The following H2AZ2 variants were observed in gnomAD, a reference collection of about 807,000 sequenced individuals.
H2AZ2 encodes the protein H2A.Z variant histone 2, also known as histone H2A.V.
H2AZ2 carries 5 observed loss-of-function variants against 15.5 expected under a neutral mutation model. The observed-to-expected ratio is 0.32, with a 90% confidence interval of 0.17 to 0.68. The LOEUF is 0.68. Among genes scored for constraint, H2AZ2 ranks in the 30% least tolerant of loss-of-function variants. H2AZ2 has a pLI of 0.72. For missense variants in H2AZ2, 42 were observed against 162.5 expected (o/e 0.26, Z 4.03); for synonymous variants, 44 against 57.4 (o/e 0.77, Z 1.05).
At chr7:44,835,884 A>G (rs1338577666) in intron 3 of H2AZ2, among the ~76,000 whole-genome samples, 1 of 151,996 alleles carries the variant, frequency 6.6e-6, no homozygotes, top group Non-Finnish European at 1.5e-5. Flanking sequence ...CCACTTCTAT[A>G]TAGAAATAAA....
At chr7:44,828,990 T>C (rs529461368), downstream of H2AZ2, 1 of 152,244 alleles carries the variant, frequency 6.6e-6, no homozygotes, top group Non-Finnish European at 1.5e-5. Context: ...TTCATGTAAT[T>C]ACACTGGGTT....
Position 44,833,266 on chromosome 7 carries a change from C to T in H2AZ2, c.*1235G>A, listed in dbSNP as rs1793035214. On this transcript the variant is annotated 3_prime_UTR_variant, in exon 5 of 5. Transcript: ENST00000308153. ...TTGTTTGTTTTGAGAGGGAGTCTTGCTCAGTCGCCAAGCTGGAGTGCAGTG... is the reference window on the plus strand; with the variant it reads ...TTGTTTGTTTTGAGAGGGAGTCTTGTTCAGTCGCCAAGCTGGAGTGCAGTG... Among the ~76,000 whole-genome samples the T allele has an allele frequency of 2.0e-5, 3 of 152,028 alleles. 1 individual carries two copies. Among genetic ancestry groups the T allele is most frequent in the South Asian group, 4.2e-4 (2 of 4,800 alleles).
intron 3 of H2AZ2, among the ~76,000 whole-genome samples, chr7:44,837,556 A>G (rs985483075): frequency 1.3e-5 from 2 of 150,728 alleles, no homozygotes; most frequent in Non-Finnish European, 1.5e-5. Flanking sequence ...CAGTGGTGCA[A>G]TCATGGCTCA....
Position 44,832,167 on chromosome 7 carries a change from CCTGGATCTTGA to C in H2AZ2, c.*2323_*2333del, listed in dbSNP as rs1793010186. Among the ~76,000 whole-genome samples, 1 of 151,886 alleles carries C rather than the reference CCTGGATCTTGA, an allele frequency of 6.6e-6. No homozygotes were observed. The highest frequency in any genetic ancestry group is 2.1e-4 in the South Asian group (1 of 4,818). ...AACAAAATGCAAGATCTAGATCTTG[CCTGGATCTTGA>C]CTCGAATAAACCAACTGTTAAAAAA... On this transcript the variant is annotated 3_prime_UTR_variant, in exon 5 of 5. Transcript: ENST00000308153.
chr7:44,841,433 T>C (rs560270077), intron 2 of H2AZ2, among the ~76,000 whole-genome samples: 3 of 152,334 alleles, frequency 2.0e-5, no homozygotes, highest in African/African-American at 7.2e-5. Flanking sequence ...TATTATCTCA[T>C]TGTGGTTCTT....
intron 3 of H2AZ2, among the ~76,000 whole-genome samples, chr7:44,837,815 C>T (rs1221197439): frequency 9.5e-6 from 1 of 105,670 alleles, no homozygotes; most frequent in African/African-American, 3.5e-5. Context: ...CCAAAGTTCC[C>T]AAAGATTTAA....
chr7:44,840,854 T>C (rs1418538234), intron 3 of H2AZ2, 45 bp downstream of exon 3: 3 of 1,294,348 alleles, frequency 2.3e-6, no homozygotes, highest in East Asian at 4.7e-5. Flanking sequence ...CTGAGACTAG[T>C]GCACCTTCTG....
chr7:44,842,550 C>T (rs1793298875), intron 2 of H2AZ2, among the ~76,000 whole-genome samples: 1 of 152,140 alleles, frequency 6.6e-6, no homozygotes, highest in Admixed American at 6.6e-5. Flanking sequence ...ACTGCTTCAC[C>T]TATTTTCTGC....
chr7:44,846,255 T>C (rs892922475), intron 1 of H2AZ2, among the ~76,000 whole-genome samples: 23 of 152,210 alleles, frequency 1.5e-4, no homozygotes, highest in Admixed American at 9.8e-4. Context: ...TTAATACTTA[T>C]GTATTTTTAG....
chr7:44,842,956 TG>T (rs2117041580), intron 2 of H2AZ2, among the ~76,000 whole-genome samples: 1 of 151,678 alleles, frequency 6.6e-6, no homozygotes, highest in East Asian at 1.9e-4. Context: ...TTGGCCAACA[TG>T]GTGAAATCCC....
At chr7:44,842,188 C>T (rs1793290776) in intron 2 of H2AZ2, among the ~76,000 whole-genome samples, 1 of 152,176 alleles carries the variant, frequency 6.6e-6, no homozygotes, top group African/African-American at 2.4e-5. Context: ...AAAAACATTT[C>T]ATCTTAGACT....
chr7:44,830,855 CAAAA>C (rs768034578), downstream of H2AZ2, among the ~76,000 whole-genome samples: 1 of 152,062 alleles, frequency 6.6e-6, no homozygotes, highest in Non-Finnish European at 1.5e-5. Flanking sequence ...AACAAACAAA[CAAAA>C]AACACACACA....
rs1793325447 is a variant in H2AZ2, at chr7:44,843,411, A to G, written c.4-57T>C. 6 of 1,178,718 alleles carry G rather than the reference A, an allele frequency of 5.1e-6. No individual in the cohort carries two copies. In the South Asian group the frequency reaches 5.2e-5, roughly 10 times the overall value. 73.0% of individuals were successfully genotyped at this position (1,178,718 alleles called of 1,614,324 possible). On this transcript the variant is annotated intron_variant, in intron 1 of 4. Transcript: ENST00000308153. ...AAGAGTTGAAAATACTACTTCAAAAATATTCTGGAAACAGAATTTTTTCTA... is the reference window on the plus strand; with the variant it reads ...AAGAGTTGAAAATACTACTTCAAAAGTATTCTGGAAACAGAATTTTTTCTA...
chr7:44,830,127 CA>C (rs1262997081), downstream of H2AZ2: 1 of 1,613,494 alleles, frequency 6.2e-7, no homozygotes, highest in Non-Finnish European at 8.5e-7. Flanking sequence ...TCACCTAATA[CA>C]ATGGCATCTT....
chr7:44,843,417 T>C, intron 1 of H2AZ2, 63 bp from the exon 2 acceptor site: 1 of 1,136,026 alleles, frequency 8.8e-7, no homozygotes, highest in Non-Finnish European at 1.3e-6. Context: ...AAAAATATTC[T>C]GGAAACAGAA....
downstream of H2AZ2, among the ~76,000 whole-genome samples, chr7:44,830,643 C>G (rs1213997121): frequency 3.3e-5 from 5 of 152,200 alleles, no homozygotes; most frequent in African/African-American, 1.2e-4. Context: ...ATCTAAAATA[C>G]AGATCTGACA....
intron 3 of H2AZ2, 65 bp from the exon 4 acceptor site, chr7:44,835,723 A>G (rs1583712407): frequency 9.0e-6 from 13 of 1,446,432 alleles, no homozygotes; most frequent in Non-Finnish European, 1.2e-5. Flanking sequence ...AGGATCACTT[A>G]GCATTTGTAC....
chr7:44,842,790 C>T (rs1793304826), intron 2 of H2AZ2, among the ~76,000 whole-genome samples: 1 of 152,160 alleles, frequency 6.6e-6, no homozygotes, highest in Admixed American at 6.6e-5. Flanking sequence ...GGCTCAAACT[C>T]TCAATGGCTT....
At chr7:44,839,772 G>C (rs1339845820) in intron 3 of H2AZ2, among the ~76,000 whole-genome samples, 2 of 151,938 alleles carry the variant, frequency 1.3e-5, no homozygotes, top group African/African-American at 4.8e-5. Context: ...GGAGGCTGAG[G>C]CAAGTGGATC....
Sources: allele counts gnomAD v4.1 joint callset (sites outside exome capture counted in the v4.1 genomes callset), GRCh38; gene constraint gnomAD v4.1.1; transcripts MANE v1.5; gene names NCBI Gene and HGNC (gene_info 2026-07-23, HGNC 2026-07-21).